TJP2: variants seen among roughly 807,000 people sequenced by gnomAD.
TJP2 encodes Friedreich ataxia region gene X104 (tight junction protein ZO-2).
In TJP2, 91 loss-of-function variants were observed where a neutral mutation model predicts 133.1. The ratio of observed to expected loss-of-function variants is 0.68; its 90% confidence interval spans 0.58 to 0.81. The LOEUF is 0.81. Ranked by LOEUF, TJP2 falls within the 40% of genes least tolerant of loss-of-function variation. TJP2 has a pLI of 0.00. For synonymous variants in TJP2, 592 were observed against 583.4 expected (o/e 1.01, Z -0.21); for missense variants, 1,541 against 1,565.6 (o/e 0.98, Z 0.26).
upstream of TJP2, among the ~76,000 whole-genome samples, chr9:69,173,296 A>C (rs1380716167): frequency 1.3e-5 from 2 of 152,218 alleles, no homozygotes; most frequent in Non-Finnish European, 2.9e-5. Flanking sequence ...ACCCAAGGTT[A>C]TATTTTTAAT....
At chr9:69,220,768 C>CT (rs1828760655) in intron 4 of TJP2, 119 bp from the exon 5 acceptor site, 1 of 949,588 alleles carries the variant, frequency 1.1e-6, no homozygotes, top group Admixed American at 2.0e-5. Context: ...GAACCTGAAC[C>CT]TTAGTGAGTC....
intron 2 of TJP2, among the ~76,000 whole-genome samples, chr9:69,161,173 G>A (rs1824048387): frequency 6.6e-6 from 1 of 152,120 alleles, no homozygotes; most frequent in African/African-American, 2.4e-5. Flanking sequence ...TCGGAGGGAT[G>A]CAAGGTAGTA....
intron 1 of TJP2, among the ~76,000 whole-genome samples, chr9:69,194,556 A>T (rs1826417530): frequency 6.6e-6 from 1 of 152,240 alleles, no homozygotes. Flanking sequence ...CTTCAGTTGC[A>T]GTAGCCACAT....
chr9:69,203,607 ATTTTTTTTT>A (rs754221310), intron 1 of TJP2, among the ~76,000 whole-genome samples: 2 of 67,858 alleles, frequency 2.9e-5, no homozygotes, highest in Non-Finnish European at 5.0e-5. Flanking sequence ...CCCAGCCTGG[ATTTTTTTTT>A]TTTTTTTTTT....
At chr9:69,183,861 A>G (rs1222919065) in intron 1 of TJP2, among the ~76,000 whole-genome samples, 2 of 152,112 alleles carry the variant, frequency 1.3e-5, no homozygotes, top group African/African-American at 2.4e-5. Context: ...CAGCCTCCCA[A>G]GTAGCTGGGA....
At chr9:69,147,863 C>G (rs1823281992) in intron 1 of TJP2, among the ~76,000 whole-genome samples, 1 of 151,772 alleles carries the variant, frequency 6.6e-6, no homozygotes, top group South Asian at 2.1e-4. Context: ...CAAGATCTTC[C>G]TTGTACCTAT....
chr9:69,140,563 C>T (rs1822976704), intron 1 of TJP2, among the ~76,000 whole-genome samples: 1 of 152,170 alleles, frequency 6.6e-6, no homozygotes, highest in Non-Finnish European at 1.5e-5. Context: ...ATAGTCACTA[C>T]CAAGTTCCCA....
chr9:69,158,954 T>C (rs1290181662), intron 2 of TJP2, among the ~76,000 whole-genome samples: 3 of 151,700 alleles, frequency 2.0e-5, no homozygotes, highest in Non-Finnish European at 2.9e-5. Flanking sequence ...GTAGTGAGAT[T>C]AGGCAATCCC....
Position 69,251,042 on chromosome 9 carries a change from C to A in TJP2, c.2999C>A (p.Thr1000Asn), listed in dbSNP as rs1332352986. The stretch of plus-strand genomic sequence containing the variant: ...TGTCATTGCTCTCCGCAGGCCAAAA[C>A]CCAGAACAAAGAAGAATCCTATGAC... ...AFKPEPPKAK[T>N]QNKEESYDFS... Residue 1000 changes from threonine to asparagine, a missense_variant, in exon 21 of 23, where the codon ACC (threonine) becomes AAC (asparagine). Transcript: ENST00000377245. 2 of 1,614,116 alleles carry A rather than the reference C, an allele frequency of 1.2e-6. No homozygotes were observed. Among genetic ancestry groups the A allele is most frequent in the Non-Finnish European group, 1.7e-6 (2 of 1,180,034 alleles).
At chr9:69,164,634 G>T (rs1188641788) in intron 2 of TJP2, among the ~76,000 whole-genome samples, 1 of 152,078 alleles carries the variant, frequency 6.6e-6, no homozygotes, top group Non-Finnish European at 1.5e-5. Context: ...GCATTGCTTG[G>T]ATAAAACTCA....
intron 1 of TJP2, among the ~76,000 whole-genome samples, chr9:69,203,291 G>T (rs187114663): frequency 2.8e-3 from 423 of 150,122 alleles, no homozygotes; most frequent in African/African-American, 1.0e-2. Flanking sequence ...GTCCTCCTTT[G>T]TACCCATTTA....
chr9:69,206,336 G>A (rs901151495), intron 1 of TJP2, among the ~76,000 whole-genome samples: 4 of 151,866 alleles, frequency 2.6e-5, no homozygotes, highest in East Asian at 1.9e-4. Flanking sequence ...TCTGCCCACC[G>A]CACCTGCCTT....
intron 1 of TJP2, chr9:69,121,952 C>T (rs1004865779): frequency 6.6e-6 from 1 of 152,410 alleles, no homozygotes; most frequent in Non-Finnish European, 1.5e-5. Flanking sequence ...TTGACATCCC[C>T]TAGGTTTCTC....
intron 1 of TJP2, among the ~76,000 whole-genome samples, chr9:69,132,264 CAG>C (rs1215338496): frequency 6.6e-6 from 1 of 152,170 alleles, no homozygotes; most frequent in African/African-American, 2.4e-5. Flanking sequence ...AGTTTAAGGA[CAG>C]TGTGAGACTC....
At chr9:69,229,990 C>A in intron 10 of TJP2, 92 bp from the exon 11 acceptor site, 1 of 1,492,058 alleles carries the variant, frequency 6.7e-7, no homozygotes, top group Non-Finnish European at 9.3e-7. Context: ...CACTCTGTAG[C>A]TAGAAGAAAT....
At chr9:69,152,741 G>A (rs1234664728) in intron 2 of TJP2, among the ~76,000 whole-genome samples, 2 of 151,540 alleles carry the variant, frequency 1.3e-5, no homozygotes, top group African/African-American at 4.8e-5. Flanking sequence ...CATTCAAGTG[G>A]GGGAAGTCCT....
At chr9:69,196,730 T>C (rs923417322) in intron 1 of TJP2, among the ~76,000 whole-genome samples, 1 of 152,080 alleles carries the variant, frequency 6.6e-6, no homozygotes, top group African/African-American at 2.4e-5. Flanking sequence ...TTAGAACATT[T>C]TCTTCACCCC....
At chr9:69,160,601 A>T (rs1350111843) in intron 2 of TJP2, among the ~76,000 whole-genome samples, 1 of 152,240 alleles carries the variant, frequency 6.6e-6, no homozygotes, top group Non-Finnish European at 1.5e-5. Flanking sequence ...CGATTCACTC[A>T]ACTTGAAAAC....
At chr9:69,174,247 G>T, upstream of TJP2, 2 of 1,517,590 alleles carry the variant, frequency 1.3e-6, no homozygotes, top group Non-Finnish European at 1.8e-6. Context: ...GTCCCCGCGG[G>T]TCGGCACCCC....
Sources: gnomAD v4.1 joint callset for allele counts (sites outside exome capture counted in the v4.1 genomes callset) on GRCh38, gnomAD v4.1.1 for gene constraint, MANE v1.5 for transcripts, NCBI Gene and HGNC (gene_info 2026-07-23, HGNC 2026-07-21) for gene names.